Variants in PARK7 observed in about 807,000 individuals in gnomAD.
The protein encoded by PARK7 is Parkinson disease protein 7.
In PARK7, 14 loss-of-function variants were observed where a neutral mutation model predicts 20.5. The ratio of observed to expected loss-of-function variants is 0.68; its 90% CI spans 0.45 to 1.07. PARK7 has a LOEUF of 1.07. Ranked by LOEUF, PARK7 falls within the 50% of genes least tolerant of loss-of-function variation. The pLI is 0.00. For missense variants in PARK7, 234 were observed against 238.1 expected (o/e 0.98, Z 0.11); for synonymous variants, 98 against 84.3 (o/e 1.16, Z -0.89).
intron 6 of PARK7, among the ~76,000 whole-genome samples, chr1:7,981,684 A>G (rs1262028499): frequency 7.1e-6 from 1 of 141,666 alleles, no homozygotes. Context: ...TTTGAGACAG[A>G]GTCTCTCTCT....
At chr1:7,964,506 T>C (rs1640285748) in intron 2 of PARK7, among the ~76,000 whole-genome samples, 1 of 152,242 alleles carries the variant, frequency 6.6e-6, no homozygotes, top group Admixed American at 6.5e-5. Flanking sequence ...AATCTACCCA[T>C]TCCTCTAATT....
chr1:7,980,727 C>A (rs1640692603), intron 6 of PARK7, among the ~76,000 whole-genome samples: 1 of 152,220 alleles, frequency 6.6e-6, no homozygotes, highest in African/African-American at 2.4e-5. Context: ...TCCTTCAGGA[C>A]ACTTCGAGAG....
rs1358573331 is a variant in PARK7 at position 7,979,607 on chromosome 1, C to G, written c.409+1869C>G. Among the ~76,000 whole-genome samples the G allele has an allele frequency of 2.0e-5, 3 of 152,206 alleles. No individual in the cohort carries two copies. The East Asian group carries it at 5.8e-4, about 29-fold the overall frequency. ...CCTCCACCTCTTGGGATCAGGCAAT[C>G]CTCTCACCTCAGCCTCCCGAGTAGC... On this transcript the variant is annotated intron_variant, in intron 6 of 6. Transcript: ENST00000338639.
intron 6 of PARK7, among the ~76,000 whole-genome samples, chr1:7,978,124 G>A (rs1640627119): frequency 6.7e-6 from 1 of 149,350 alleles, no homozygotes; most frequent in Admixed American, 6.8e-5. Context: ...AGCCTCCTGA[G>A]TAGCTGGGAT....
chr1:7,972,675 G>A (rs1272953054), intron 5 of PARK7, among the ~76,000 whole-genome samples: 1 of 152,182 alleles, frequency 6.6e-6, no homozygotes, highest in African/African-American at 2.4e-5. Flanking sequence ...AAGCTGAGGT[G>A]GGCAGATCGT....
intron 6 of PARK7, among the ~76,000 whole-genome samples, chr1:7,982,592 G>A (rs1226365774): frequency 6.6e-6 from 1 of 152,162 alleles, no homozygotes; most frequent in Non-Finnish European, 1.5e-5. Flanking sequence ...TGTTTGCGAT[G>A]TTTTAGCCAC....
At chr1:7,966,058 G>A (rs1640320501) in intron 3 of PARK7, among the ~76,000 whole-genome samples, 1 of 152,190 alleles carries the variant, frequency 6.6e-6, no homozygotes, top group African/African-American at 2.4e-5. Flanking sequence ...TTACCTTTAA[G>A]GACGATGGAC....
intron 6 of PARK7, among the ~76,000 whole-genome samples, chr1:7,979,325 CT>C (rs1399555480): frequency 6.6e-6 from 1 of 152,190 alleles, no homozygotes; most frequent in Non-Finnish European, 1.5e-5. Context: ...GCCCCCGCCC[CT>C]GGCCATGCAT....
In PARK7 at chr1:7,974,128, A is replaced by T. The variant is rs551248663; in HGVS notation, c.322+3165A>T. ...AGTTCAAGACCAGCCTGGGCAACATAGTGAGACCCCCCCACCGACCTCTAC... is the reference window on the plus strand; with the variant it reads ...AGTTCAAGACCAGCCTGGGCAACATTGTGAGACCCCCCCACCGACCTCTAC... On this transcript the variant is annotated intron_variant, in intron 5 of 6. Transcript: ENST00000338639. 4.3e-5 allele frequency among the ~76,000 whole-genome samples: 6 copies of T among 138,462 alleles called. No individual in the cohort carries two copies. The South Asian group carries it at 1.4e-3, about 32-fold the overall frequency. 90.8% of individuals were successfully genotyped at this position (138,462 alleles called of 152,430 possible). A position where few individuals can be genotyped will look rare whatever the true frequency, so the allele number is the denominator to read the frequency against.
intron 6 of PARK7, among the ~76,000 whole-genome samples, chr1:7,983,720 G>A (rs758506109): frequency 1.4e-4 from 21 of 152,210 alleles, no homozygotes; most frequent in Non-Finnish European, 1.3e-4. Flanking sequence ...GGCATGGATC[G>A]AAGGGGCGCA....
In PARK7 at chr1:7,971,021, T is replaced by C. The variant is rs372756381; in HGVS notation, c.322+58T>C. On this transcript the variant is annotated intron_variant, in intron 5 of 6. Coordinates refer to ENST00000338639, the MANE Select transcript of PARK7 (RefSeq NM_007262.5). ...CATTGGTGGGTGGGGTAGCCTTTCA[T>C]TCGATGGTTTGATTCCAAATAGCTC... 5 of 1,563,024 alleles carry C rather than the reference T, an allele frequency of 3.2e-6. No individual in the cohort carries two copies. The African/African-American group carries it at 6.8e-5, about 21-fold the overall frequency.
Position 7,984,873 on chromosome 1 carries a change from T to G in PARK7, c.410-21T>G, listed in dbSNP as rs1473669754. 2 of 1,613,750 alleles carry G rather than the reference T, an allele frequency of 1.2e-6. No homozygotes were observed. The highest frequency in any genetic ancestry group is 2.7e-5 in the African/African-American group (2 of 74,920). On this transcript the variant is annotated intron_variant, in intron 6 of 6. Transcript: ENST00000338639. The surrounding 1 kb of genome is among the most constrained non-coding windows in gnomAD (Gnocchi z 4.3). The stretch of plus-strand genomic sequence containing the variant: ...TCACATAGCCCATTAGGATGTCACC[T>G]TTTCTGTTTCTACTTTGCAGGTCAT...
At chr1:7,980,022 G>C (rs1055402630) in intron 6 of PARK7, among the ~76,000 whole-genome samples, 7 of 151,956 alleles carry the variant, frequency 4.6e-5, no homozygotes, top group Non-Finnish European at 8.8e-5. Flanking sequence ...TTAGCTGGGC[G>C]TGGTGGCGGG....
At chr1:7,974,928 T>C (rs1234759884) in intron 5 of PARK7, among the ~76,000 whole-genome samples, 1 of 150,636 alleles carries the variant, frequency 6.6e-6, no homozygotes, top group Non-Finnish European at 1.5e-5. Context: ...CAATTTCGGC[T>C]CACTGCAACC....
At position 7,969,446 on chromosome 1, in the gene PARK7, G is replaced by T. The variant is rs779634316; in HGVS notation, c.252+42G>T. ...AATTATACCTCAATAAAGCTGGGGGGGGGGAAAAACTAAAGAATTTCAGCA... is the reference window on the plus strand; with the variant it reads ...AATTATACCTCAATAAAGCTGGGGGTGGGGAAAAACTAAAGAATTTCAGCA... On this transcript the variant is annotated intron_variant, in intron 4 of 6. Coordinates refer to ENST00000338639, the MANE Select transcript of PARK7 (RefSeq NM_007262.5). 1.5e-5 allele frequency: 14 copies of T among 930,086 alleles called. 1 individual carries two copies. Among genetic ancestry groups the T allele is most frequent in the South Asian group, 4.0e-5 (3 of 74,936 alleles). The allele number at this position is 930,086 out of a possible 1,614,324, so 57.6% of individuals were successfully genotyped here. A position where few individuals can be genotyped will look rare whatever the true frequency, so the allele number is the denominator to read the frequency against.
chr1:7,969,385 G>A lies in PARK7; in HGVS notation c.233G>A (p.Gly78Asp), dbSNP rs2151431134. The stretch of plus-strand genomic sequence containing the variant: ...GTGGTTCTACCAGGAGGTAATCTGG[G>A]CGCACAGAATTTATCTGAGGTAAAA... ...DVVVLPGGNLGAQNLSESAAV... is the reference protein window; with the variant it reads ...DVVVLPGGNLDAQNLSESAAV... Residue 78 changes from glycine to aspartate, a missense_variant, in exon 4 of 7, where the codon GGC becomes GAC. By Grantham distance (94) the Gly-to-Asp change is moderately conservative. Transcript: ENST00000338639. 3.8e-6 allele frequency: 6 copies of A among 1,578,726 alleles called. No homozygotes were observed. The highest frequency in any genetic ancestry group is 5.2e-6 in the Non-Finnish European group (6 of 1,155,010).
intron 3 of PARK7, 65 bp from the exon 4 acceptor site, chr1:7,969,280 C>A: frequency 7.8e-7 from 1 of 1,290,266 alleles, no homozygotes; most frequent in Non-Finnish European, 1.1e-6. Context: ...TATTATTGGA[C>A]TGTCAATTTA....
At chr1:7,966,148 G>A (rs189904659) in intron 3 of PARK7, among the ~76,000 whole-genome samples, 159 of 152,134 alleles carry the variant, frequency 1.0e-3, no homozygotes, top group African/African-American at 3.4e-3. Context: ...TGCGGTCAGC[G>A]TGACAGGAGT....
rs1640511502 is a variant in PARK7 at position 7,973,707 on chromosome 1, TC to T, written c.322+2746del. Among the ~76,000 whole-genome samples the T allele has an allele frequency of 2.0e-5, 3 of 148,826 alleles. No individual in the cohort carries two copies. The South Asian group carries it at 6.3e-4, about 31-fold the overall frequency. ...CCAGCCTGGGCAACAAGAGTGAAAC[TC>T]CGTCTCAAAAAATAAATAAAATAAA... On this transcript the variant is annotated intron_variant, in intron 5 of 6. Coordinates refer to ENST00000338639, the MANE Select transcript of PARK7 (RefSeq NM_007262.5).
Sources: allele counts gnomAD v4.1 joint callset (sites outside exome capture counted in the v4.1 genomes callset), GRCh38; gene constraint gnomAD v4.1.1; non-coding constraint Gnocchi (gnomAD v3.1); transcripts MANE v1.5; gene names NCBI Gene and HGNC (gene_info 2026-07-23, HGNC 2026-07-21).